Variants in PTPRD observed in about 807,000 individuals in gnomAD.
PTPRD encodes the protein protein tyrosine phosphatase receptor type D, also known as receptor-type tyrosine-protein phosphatase delta.
A neutral mutation model predicts 214.5 loss-of-function variants in PTPRD; 34 were observed. The observed-to-expected ratio is 0.16, with a 90% CI of 0.12 to 0.21. PTPRD has a LOEUF of 0.21. Among genes scored for constraint, PTPRD ranks in the 10% least tolerant of loss-of-function variants. The pLI is 1.00. For synonymous variants in PTPRD, 1,128 were observed against 845.7 expected (o/e 1.33, Z -5.79); for missense variants, 2,545 against 2,398.7 (o/e 1.06, Z -1.27).
At chr9:9,906,409 TC>T (rs1223253822) in intron 5 of PTPRD, among the ~76,000 whole-genome samples, 1 of 151,932 alleles carries the variant, frequency 6.6e-6, no homozygotes, top group Non-Finnish European at 1.5e-5. Flanking sequence ...ATACAGATAA[TC>T]ATTGCTTTTA....
intron 3 of PTPRD, among the ~76,000 whole-genome samples, chr9:10,268,293 A>AAATAATAAT (rs56131711): frequency 0.11 from 15,764 of 144,720 alleles, 886 homozygotes; most frequent in Non-Finnish European, 0.12. Context: ...CTGTTGCTAT[A>AAATAATAAT]AATAATAATA....
chr9:8,507,176 T>C, intron 22 of PTPRD, 125 bp downstream of exon 22: 2 of 1,103,636 alleles, frequency 1.8e-6, no homozygotes, highest in Non-Finnish European at 2.5e-6. Context: ...CTCTTTTAAT[T>C]AGTAAATCTT....
At chr9:8,476,486 T>C (rs1255042184) in intron 30 of PTPRD, among the ~76,000 whole-genome samples, 1 of 152,176 alleles carries the variant, frequency 6.6e-6, no homozygotes, top group Admixed American at 6.5e-5. Context: ...CTATCGATCA[T>C]TCTGTTCCAC....
At chr9:8,708,385 A>G (rs1283314634) in intron 12 of PTPRD, among the ~76,000 whole-genome samples, 1 of 152,002 alleles carries the variant, frequency 6.6e-6, no homozygotes, top group Non-Finnish European at 1.5e-5. Context: ...TGAAAAATGA[A>G]GCTACAGGCC....
intron 11 of PTPRD, among the ~76,000 whole-genome samples, chr9:8,834,233 C>G (rs2097363354): frequency 2.0e-5 from 3 of 152,044 alleles, no homozygotes; most frequent in Admixed American, 6.6e-5. Flanking sequence ...TTATAACAGA[C>G]AAGGAAGCTT....
intron 11 of PTPRD, among the ~76,000 whole-genome samples, chr9:8,948,134 C>T (rs1490245857): frequency 6.6e-6 from 1 of 150,814 alleles, no homozygotes; most frequent in Non-Finnish European, 1.5e-5. Context: ...ATTCTCCTGC[C>T]TCAGTTTCCC....
intron 3 of PTPRD, among the ~76,000 whole-genome samples, chr9:10,213,229 A>G (rs1384825852): frequency 6.6e-6 from 1 of 152,096 alleles, no homozygotes; most frequent in African/African-American, 2.4e-5. Context: ...TCTGTATTGT[A>G]TTCACTAGAT....
intron 11 of PTPRD, among the ~76,000 whole-genome samples, chr9:8,956,687 A>G (rs2154312558): frequency 6.6e-6 from 1 of 151,928 alleles, no homozygotes; most frequent in East Asian, 1.9e-4. Flanking sequence ...GAACTCCACC[A>G]ACCACGACAG....
chr9:10,112,541 C>T (rs550124707), intron 3 of PTPRD, among the ~76,000 whole-genome samples: 1 of 152,060 alleles, frequency 6.6e-6, no homozygotes, highest in Admixed American at 6.5e-5. Context: ...GAGGTGCAGA[C>T]ATGCAACTGT....
At chr9:9,832,263 G>A (rs1275194240) in intron 5 of PTPRD, among the ~76,000 whole-genome samples, 1 of 151,966 alleles carries the variant, frequency 6.6e-6, no homozygotes, top group Non-Finnish European at 1.5e-5. Context: ...TATCTACAAT[G>A]AAGTACCAGA....
chr9:8,843,026 T>A (rs901253895), intron 11 of PTPRD, among the ~76,000 whole-genome samples: 1 of 152,136 alleles, frequency 6.6e-6, no homozygotes, highest in Non-Finnish European at 1.5e-5. Context: ...ATTTAGATGT[T>A]AAATTACATA....
At chr9:10,011,091 C>G (rs1396985594) in intron 4 of PTPRD, among the ~76,000 whole-genome samples, 1 of 151,898 alleles carries the variant, frequency 6.6e-6, no homozygotes, top group East Asian at 1.9e-4. Flanking sequence ...GAAAGTCATT[C>G]TCCACAATCC....
At chr9:9,697,314 A>AC (rs2097396974) in intron 7 of PTPRD, among the ~76,000 whole-genome samples, 1 of 151,992 alleles carries the variant, frequency 6.6e-6, no homozygotes, top group Admixed American at 6.6e-5. Flanking sequence ...TATTAGTGTT[A>AC]TTTTTTCTTT....
At chr9:8,364,164 T>G (rs1414956699) in intron 39 of PTPRD, among the ~76,000 whole-genome samples, 1 of 152,220 alleles carries the variant, frequency 6.6e-6, no homozygotes, top group Non-Finnish European at 1.5e-5. Context: ...GGTTTGCAAG[T>G]GCAAGAAATA....
intron 2 of PTPRD, among the ~76,000 whole-genome samples, chr9:10,373,935 T>C (rs891436830): frequency 2.0e-5 from 3 of 152,126 alleles, no homozygotes; most frequent in Non-Finnish European, 4.4e-5. Flanking sequence ...CTTTAGGTTG[T>C]TGAGTTCACA....
At chr9:9,168,687 C>T (rs2099908769) in intron 10 of PTPRD, among the ~76,000 whole-genome samples, 1 of 151,866 alleles carries the variant, frequency 6.6e-6, no homozygotes, top group Admixed American at 6.6e-5. Flanking sequence ...ACTTTGTAAG[C>T]TTTAGAAGCA....
At chr9:8,589,415 C>T (rs994756814) in intron 14 of PTPRD, among the ~76,000 whole-genome samples, 6 of 152,274 alleles carry the variant, frequency 3.9e-5, no homozygotes, top group East Asian at 3.9e-4. Context: ...ATAATCACAG[C>T]GACTTTCTGA....
Position 8,884,276 on chromosome 9 carries a change from T to G in PTPRD, c.-104+134421A>C, listed in dbSNP as rs1485276369. ...GGGCAAACTGGGAGAAGGTGAGTCC[T>G]GAGTTGCAAGACAGAGAAGGAAAAG... On this transcript the variant is annotated intron_variant, in intron 11 of 45. Transcript: ENST00000381196. Among the ~76,000 whole-genome samples, 5 of 152,282 alleles carry G rather than the reference T, an allele frequency of 3.3e-5. No individual in the cohort carries two copies. In the East Asian group the frequency reaches 5.8e-4, roughly 18 times the overall value.
intron 10 of PTPRD, among the ~76,000 whole-genome samples, chr9:9,134,051 A>G (rs866445604): frequency 1.4e-5 from 2 of 143,632 alleles, no homozygotes; most frequent in South Asian, 4.5e-4. Flanking sequence ...GTTCATATAG[A>G]ATCATTCTTT....
Sources: gnomAD v4.1 joint callset for allele counts (sites outside exome capture counted in the v4.1 genomes callset) on GRCh38, gnomAD v4.1.1 for gene constraint, MANE v1.5 for transcripts, NCBI Gene and HGNC (gene_info 2026-07-23, HGNC 2026-07-21) for gene names.